EPHB2: variants seen among roughly 807,000 people sequenced by gnomAD.
EPHB2 encodes EPH receptor B2, also known as ephrin type-B receptor 2.
In EPHB2, 18 loss-of-function variants were observed where a neutral mutation model predicts 96.4. That is an observed-to-expected ratio of 0.19 (90% CI 0.13 to 0.28). The LOEUF (loss-of-function observed/expected upper bound fraction) is 0.28. EPHB2 is among the 10% of genes least tolerant of loss of function. EPHB2 has a pLI of 1.00. For missense variants in EPHB2, 989 were observed against 1,355.4 expected (o/e 0.73, Z 4.25); for synonymous variants, 506 against 534.1 (o/e 0.95, Z 0.72).
intron 3 of EPHB2, among the ~76,000 whole-genome samples, chr1:22,820,495 T>C (rs556578106): frequency 3.2e-4 from 49 of 152,100 alleles, no homozygotes; most frequent in Non-Finnish European, 5.9e-4. Context: ...ACCCCATCTC[T>C]ACACAAAATA....
rs1557758191 is a variant in EPHB2 at position 22,916,401 on chromosome 1, C to T, written c.*2831C>T. The T allele has an allele frequency of 6.6e-6, 1 of 152,328 alleles. No homozygotes were observed. Among genetic ancestry groups the T allele is most frequent in the Non-Finnish European group, 1.5e-5 (1 of 68,138 alleles). The allele number at this position is 152,328 out of a possible 1,614,324, so 9.4% of individuals were successfully genotyped here. On this transcript the variant is annotated 3_prime_UTR_variant, in exon 16 of 16. Coordinates refer to ENST00000374630, the MANE Select transcript of EPHB2 (RefSeq NM_017449.5). This position sits in a 1 kb window ranked among gnomAD's most constrained non-coding sequence, Gnocchi z 4.2. ...CCCTGCAAACCTGCTTCCCAGAGCA[C>T]AGGTGCTACCAGACCTCTGTGTCTC...
intron 5 of EPHB2, among the ~76,000 whole-genome samples, chr1:22,878,388 G>A (rs1433853507): frequency 6.6e-6 from 1 of 152,198 alleles, no homozygotes; most frequent in Non-Finnish European, 1.5e-5. Flanking sequence ...TGCCCATCCT[G>A]GGACAGGCAC....
At chr1:22,894,761 G>C (rs1460144506) in intron 7 of EPHB2, among the ~76,000 whole-genome samples, 2 of 152,124 alleles carry the variant, frequency 1.3e-5, no homozygotes, top group Non-Finnish European at 2.9e-5. Context: ...TCAAATGCCT[G>C]GCTGGGGTGC....
intron 1 of EPHB2, among the ~76,000 whole-genome samples, chr1:22,739,282 C>T (rs1462207595): frequency 6.6e-6 from 1 of 152,040 alleles, no homozygotes; most frequent in African/African-American, 2.4e-5. Flanking sequence ...GTGGCATGAT[C>T]TCGGCTCACT....
intron 9 of EPHB2, among the ~76,000 whole-genome samples, chr1:22,905,000 G>A (rs2124093060): frequency 6.6e-6 from 1 of 152,352 alleles, no homozygotes; most frequent in East Asian, 1.9e-4. Context: ...ATGTGAGCAG[G>A]ATGCTGGAAG....
chr1:22,808,911 G>A (rs1162897012), intron 3 of EPHB2, among the ~76,000 whole-genome samples: 5 of 152,214 alleles, frequency 3.3e-5, no homozygotes, highest in African/African-American at 1.2e-4. Context: ...CCATCGTCAT[G>A]GGACCTCGTG....
chr1:22,771,616 C>G, intron 1 of EPHB2, among the ~76,000 whole-genome samples: 1 of 152,212 alleles, frequency 6.6e-6, no homozygotes, highest in East Asian at 1.9e-4. Flanking sequence ...CTCCCCTCTT[C>G]TGTAAAATGG....
intron 3 of EPHB2, among the ~76,000 whole-genome samples, chr1:22,810,112 G>A (rs1644981713): frequency 6.6e-6 from 1 of 152,166 alleles, no homozygotes. Context: ...AGCCTGATGG[G>A]GTGTTTGGTA....
At chr1:22,876,653 C>T (rs1008726115) in intron 5 of EPHB2, among the ~76,000 whole-genome samples, 10 of 152,298 alleles carry the variant, frequency 6.6e-5, no homozygotes, top group South Asian at 2.1e-4. Flanking sequence ...TCAGCGTGCC[C>T]GGCTAGTAAT....
chr1:22,726,764 CT>C (rs1225998867), intron 1 of EPHB2, among the ~76,000 whole-genome samples: 3 of 152,132 alleles, frequency 2.0e-5, no homozygotes, highest in Admixed American at 1.3e-4. Context: ...AAAAAGCAGG[CT>C]CTGAGATGTT....
chr1:22,838,524 A>G (rs1295842768), intron 3 of EPHB2, among the ~76,000 whole-genome samples: 1 of 152,224 alleles, frequency 6.6e-6, no homozygotes, highest in Admixed American at 6.5e-5. Context: ...TATGGTGACC[A>G]AGTAAGATTA....
chr1:22,804,913 C>G (rs903563390), intron 3 of EPHB2, among the ~76,000 whole-genome samples: 2 of 152,080 alleles, frequency 1.3e-5, no homozygotes, highest in Non-Finnish European at 2.9e-5. Flanking sequence ...GCTCCCTCCC[C>G]ATTTCCTTCT....
intron 5 of EPHB2, among the ~76,000 whole-genome samples, chr1:22,880,137 GC>G (rs1301886120): frequency 6.6e-6 from 1 of 152,114 alleles, no homozygotes; most frequent in Non-Finnish European, 1.5e-5. Flanking sequence ...GGCCAGGGGT[GC>G]CCAGGAGGAA....
intron 3 of EPHB2, among the ~76,000 whole-genome samples, chr1:22,833,999 A>G (rs2148489336): frequency 6.6e-6 from 1 of 152,270 alleles, no homozygotes; most frequent in East Asian, 1.9e-4. Context: ...GAAGGTCATT[A>G]TATCTTGTAA....
intron 1 of EPHB2, among the ~76,000 whole-genome samples, chr1:22,755,023 C>T (rs1236844848): frequency 1.4e-5 from 2 of 145,600 alleles, no homozygotes; most frequent in African/African-American, 2.6e-5. Flanking sequence ...GAGCCCGAGG[C>T]CCCCCTCTCC....
intron 3 of EPHB2, among the ~76,000 whole-genome samples, chr1:22,816,015 C>G (rs569964866): frequency 6.6e-6 from 1 of 152,268 alleles, no homozygotes; most frequent in African/African-American, 2.4e-5. Flanking sequence ...TGCTGTGTCA[C>G]CTGGAGCCAA....
At chr1:22,905,561 T>G (rs182774328) in intron 9 of EPHB2, among the ~76,000 whole-genome samples, 5 of 152,202 alleles carry the variant, frequency 3.3e-5, no homozygotes, top group African/African-American at 1.2e-4. Flanking sequence ...GCCTGCTGTT[T>G]CTGTATTTTA....
rs963462516 is a variant in EPHB2, at chr1:22,855,414, G to T, written c.812-7623G>T. ...CTGGCCCCTCTGCCCACAGCAGCCA[G>T]CAGGTAAGCCTGGTTCAAGGAAGGC... is the stretch of plus-strand genomic sequence containing the variant. On this transcript the variant is annotated intron_variant, in intron 3 of 15. Transcript: ENST00000374630. Among the ~76,000 whole-genome samples, 9 of 152,214 alleles carry T rather than the reference G, an allele frequency of 5.9e-5. No homozygotes were observed. In the East Asian group the frequency reaches 1.7e-3, roughly 29 times the overall value.
At chr1:22,803,687 A>G (rs57541301) in intron 3 of EPHB2, among the ~76,000 whole-genome samples, 4 of 125,920 alleles carry the variant, frequency 3.2e-5, no homozygotes, top group Non-Finnish European at 5.1e-5. Context: ...ATATATGTAT[A>G]TATATGTGTG....
Sources: allele counts gnomAD v4.1 joint callset (sites outside exome capture counted in the v4.1 genomes callset), GRCh38; gene constraint gnomAD v4.1.1; non-coding constraint Gnocchi (gnomAD v3.1); transcripts MANE v1.5; gene names NCBI Gene and HGNC (gene_info 2026-07-23, HGNC 2026-07-21).